The following MARCHF1 variants were observed in gnomAD, a reference collection of about 807,000 sequenced individuals.
MARCHF1 encodes E3 ubiquitin-protein ligase MARCHF1.
In MARCHF1, 40 loss-of-function variants were observed where a neutral mutation model predicts 54.2. The ratio of observed to expected loss-of-function variants is 0.74; its 90% CI spans 0.57 to 0.96. The LOEUF is 0.96. MARCHF1 is among the 40% of genes least tolerant of loss of function. MARCHF1 has a pLI of 0.00. For synonymous variants in MARCHF1, 236 were observed against 236.3 expected, an observed-to-expected ratio of 1.00 and a Z score of 0.01; for missense variants, 586 against 656.5, an observed-to-expected ratio of 0.89 and a Z score of 1.17.
chr4:164,110,229 A>G (rs1359400469), intron 2 of MARCHF1, among the ~76,000 whole-genome samples: 7 of 151,742 alleles, frequency 4.6e-5, no homozygotes, highest in Admixed American at 2.0e-4. Flanking sequence ...TTTAGGGGAA[A>G]AACTCGATTA....
chr4:163,987,036 T>C (rs576152138), intron 3 of MARCHF1, among the ~76,000 whole-genome samples: 1 of 152,346 alleles, frequency 6.6e-6, no homozygotes, highest in East Asian at 1.9e-4. Context: ...AATGTATAAC[T>C]TTTATGAATC....
At chr4:163,871,576 C>T (rs994198119) in intron 3 of MARCHF1, among the ~76,000 whole-genome samples, 1 of 152,064 alleles carries the variant, frequency 6.6e-6, no homozygotes, top group East Asian at 1.9e-4. Context: ...GAATATAAGA[C>T]AGAATTCACT....
intron 4 of MARCHF1, among the ~76,000 whole-genome samples, chr4:163,834,747 T>G (rs778188311): frequency 4.0e-5 from 6 of 151,880 alleles, no homozygotes; most frequent in Non-Finnish European, 7.4e-5. Context: ...AATTGAACAA[T>G]GAGAACACAT....
chr4:164,297,387 C>A (rs1320664363), intron 1 of MARCHF1, among the ~76,000 whole-genome samples: 3 of 152,062 alleles, frequency 2.0e-5, no homozygotes, highest in African/African-American at 7.2e-5. Context: ...AGAGCATGGA[C>A]CCCTGATGTG....
chr4:163,830,000 T>C (rs1748972912), intron 4 of MARCHF1, among the ~76,000 whole-genome samples: 1 of 152,214 alleles, frequency 6.6e-6, no homozygotes, highest in African/African-American at 2.4e-5. Context: ...ACGTATTGTG[T>C]ATACCCTGGA....
intron 1 of MARCHF1, among the ~76,000 whole-genome samples, chr4:164,296,427 C>A (rs1579698023): frequency 6.6e-6 from 1 of 152,270 alleles, no homozygotes; most frequent in East Asian, 1.9e-4. Flanking sequence ...GGCTGGAGTG[C>A]AGTGGCATGA....
chr4:163,861,553 G>A lies in MARCHF1; in HGVS notation c.-38-7384C>T, dbSNP rs1242061438. Among the ~76,000 whole-genome samples, 3 of 152,112 alleles carry A rather than the reference G, an allele frequency of 2.0e-5. No individual in the cohort carries two copies. The South Asian group carries it at 6.2e-4, about 32-fold the overall frequency. On this transcript the variant is annotated intron_variant, in intron 3 of 9. Coordinates refer to ENST00000514618, the MANE Select transcript of MARCHF1 (RefSeq NM_001394959.1). ...TTTTACAGGATTTATATAAAAAACTGTAAAACTGATTTAAAAATCAAAGAA... is the reference window on the plus strand; with the variant it reads ...TTTTACAGGATTTATATAAAAAACTATAAAACTGATTTAAAAATCAAAGAA...
chr4:164,286,417 A>G (rs1467776222), intron 1 of MARCHF1, among the ~76,000 whole-genome samples: 2 of 152,172 alleles, frequency 1.3e-5, no homozygotes, highest in African/African-American at 4.8e-5. Context: ...ATCTATTAAC[A>G]TATTTTGGCA....
At chr4:163,684,894 C>G (rs1181486196) in intron 5 of MARCHF1, among the ~76,000 whole-genome samples, 4 of 152,224 alleles carry the variant, frequency 2.6e-5, no homozygotes, top group Admixed American at 6.5e-5. Flanking sequence ...ATTTATTCAG[C>G]TATCCATCCC....
In MARCHF1 at chr4:164,157,440, C is replaced by A. The variant is rs185384687; in HGVS notation, c.-322-45778G>T. Among the ~76,000 whole-genome samples the A allele has an allele frequency of 3.2e-3, 488 of 152,246 alleles. 1 individual carries two copies. Among genetic ancestry groups the A allele is most frequent in the African/African-American group, 0.011 (462 of 41,560 alleles). On this transcript the variant is annotated intron_variant, in intron 1 of 9. Coordinates refer to ENST00000514618, the MANE Select transcript of MARCHF1 (RefSeq NM_001394959.1). ...ATTGCTCTGTGTTCAAAAACTGTTC[C>A]TTACATCTTGTTTATTACTTTGCAT...
intron 1 of MARCHF1, among the ~76,000 whole-genome samples, chr4:164,215,141 C>T (rs564802458): frequency 6.6e-6 from 1 of 152,190 alleles, no homozygotes; most frequent in South Asian, 2.1e-4. Flanking sequence ...CTTGGTTTAC[C>T]GGAAGAATTG....
At chr4:163,532,454 A>C (rs186561207) in intron 9 of MARCHF1, among the ~76,000 whole-genome samples, 6 of 152,018 alleles carry the variant, frequency 3.9e-5, no homozygotes, top group African/African-American at 1.4e-4. Context: ...TATAGAACTA[A>C]ATGTAAACTG....
chr4:163,719,180 C>G (rs544359975), intron 4 of MARCHF1, among the ~76,000 whole-genome samples: 5 of 150,766 alleles, frequency 3.3e-5, no homozygotes, highest in African/African-American at 7.3e-5. Flanking sequence ...TCCCTCCCCC[C>G]TCCCCCAACC....
chr4:164,377,922 A>G (rs1346748190), intron 1 of MARCHF1, among the ~76,000 whole-genome samples: 1 of 152,202 alleles, frequency 6.6e-6, no homozygotes, highest in Non-Finnish European at 1.5e-5. Flanking sequence ...TACTAACTCC[A>G]GTTTTACCAT....
chr4:163,925,723 C>A (rs898811845), intron 3 of MARCHF1, among the ~76,000 whole-genome samples: 1 of 151,756 alleles, frequency 6.6e-6, no homozygotes, highest in East Asian at 1.9e-4. Flanking sequence ...TAGGACTGAC[C>A]TTTACTGAAC....
chr4:164,356,736 A>G (rs543140419), intron 1 of MARCHF1, among the ~76,000 whole-genome samples: 28 of 136,772 alleles, frequency 2.0e-4, no homozygotes, highest in African/African-American at 6.6e-4. Context: ...CACATTGTGC[A>G]CATGTACCCT....
rs866442351 is a variant in MARCHF1 at position 164,035,819 on chromosome 4, G to T, written c.-247-47110C>A. Among the ~76,000 whole-genome samples, 3 of 151,088 alleles carry T rather than the reference G, an allele frequency of 2.0e-5. 1 individual carries two copies. The highest frequency in any genetic ancestry group is 6.8e-3 in the Middle Eastern group (2 of 292). On this transcript the variant is annotated intron_variant, in intron 2 of 9. Coordinates refer to ENST00000514618, the MANE Select transcript of MARCHF1 (RefSeq NM_001394959.1). The stretch of plus-strand genomic sequence containing the variant: ...ATTTTGGCCGGGTGCGGTGGCTTAC[G>T]CCTGTAATCTCAGCGCTTTGGGAGG...
At chr4:164,122,960 A>C (rs1209775871) in intron 1 of MARCHF1, among the ~76,000 whole-genome samples, 1 of 152,158 alleles carries the variant, frequency 6.6e-6, no homozygotes, top group African/African-American at 2.4e-5. Context: ...CAATTCAAGA[A>C]ATTCAAGAAT....
intron 3 of MARCHF1, among the ~76,000 whole-genome samples, chr4:163,856,333 TTAA>T (rs1365529151): frequency 6.6e-6 from 1 of 152,216 alleles, no homozygotes; most frequent in East Asian, 1.9e-4. Flanking sequence ...AAATAATATG[TTAA>T]TAATAATCAT....
Sources: gnomAD v4.1 joint callset for allele counts (sites outside exome capture counted in the v4.1 genomes callset) on GRCh38, gnomAD v4.1.1 for gene constraint, MANE v1.5 for transcripts, NCBI Gene and HGNC (gene_info 2026-07-23, HGNC 2026-07-21) for gene names.